The following NDST4 variants were observed in gnomAD, a reference collection of about 807,000 sequenced individuals.
The protein encoded by NDST4 is N-deacetylase and N-sulfotransferase 4, also known as N-heparan sulfate sulfotransferase 4.
In NDST4, 63 loss-of-function variants were observed where a neutral mutation model predicts 100.8. The observed-to-expected ratio is 0.62, with a 90% CI of 0.51 to 0.77. NDST4 has a LOEUF of 0.77. Among genes scored for constraint, NDST4 ranks in the 30% least tolerant of loss-of-function variants. The pLI is 0.00. For missense variants in NDST4, 943 were observed against 1,018.4 expected, an observed-to-expected ratio of 0.93 and a Z score of 1.01; for synonymous variants, 377 against 361.8, an observed-to-expected ratio of 1.04 and a Z score of -0.48.
At chr4:114,901,107 C>T (rs145233123) in intron 6 of NDST4, among the ~76,000 whole-genome samples, 34 of 151,722 alleles carry the variant, frequency 2.2e-4, no homozygotes, top group South Asian at 4.2e-4. Context: ...CTTGAGAAGA[C>T]GGTGTATTAT....
At chr4:114,959,511 A>T (rs1726213308) in intron 4 of NDST4, among the ~76,000 whole-genome samples, 1 of 152,200 alleles carries the variant, frequency 6.6e-6, no homozygotes, top group South Asian at 2.1e-4. Context: ...AGGGCATATG[A>T]GACTTATTCA....
intron 4 of NDST4, among the ~76,000 whole-genome samples, chr4:114,954,566 G>C (rs189385806): frequency 1.2e-3 from 187 of 152,248 alleles, no homozygotes; most frequent in African/African-American, 4.3e-3. Context: ...GTGAAAAACA[G>C]ATAAAAGCTA....
At position 115,077,128 on chromosome 4, in the gene NDST4, C is replaced by T. The variant is rs1729205876; in HGVS notation, c.-92G>A. 1.7e-6 allele frequency: 2 copies of T among 1,200,680 alleles called. No individual in the cohort carries two copies. Among genetic ancestry groups the T allele is most frequent in the Non-Finnish European group, 2.3e-6 (2 of 874,926 alleles). 74.4% of individuals were successfully genotyped at this position (1,200,680 alleles called of 1,614,324 possible). A position where few individuals can be genotyped will look rare whatever the true frequency, so the allele number is the denominator to read the frequency against. On this transcript the variant is annotated 5_prime_UTR_variant, in exon 2 of 14. Coordinates refer to ENST00000264363, the MANE Select transcript of NDST4 (RefSeq NM_022569.3). ...TATGAGATGTTGCAAATATCACTTCCCCAGAGTTCATGTAACCATCGCAAA... is the reference window on the plus strand; with the variant it reads ...TATGAGATGTTGCAAATATCACTTCTCCAGAGTTCATGTAACCATCGCAAA...
intron 6 of NDST4, among the ~76,000 whole-genome samples, chr4:114,928,677 A>C (rs1725432484): frequency 6.6e-6 from 1 of 152,032 alleles, no homozygotes; most frequent in African/African-American, 2.4e-5. Context: ...CCAGTGCACA[A>C]CCCCTGTATT....
At chr4:115,013,346 C>CGT (rs1553961172) in intron 2 of NDST4, among the ~76,000 whole-genome samples, 4 of 65,350 alleles carry the variant, frequency 6.1e-5, no homozygotes, top group African/African-American at 1.9e-4. Flanking sequence ...ATATAAATAC[C>CGT]ATATATATAT....
In NDST4 at chr4:115,099,854, C is replaced by T. The variant is rs566219530; in HGVS notation, c.-247+13590G>A. On this transcript the variant is annotated intron_variant, in intron 1 of 13. Transcript: ENST00000264363. ...AAATTTACATTCACACAAAAATTTG[C>T]ACACAGATGTTTTATTGCAGCTTTA... Among the ~76,000 whole-genome samples the T allele has an allele frequency of 2.6e-5, 4 of 152,250 alleles. No individual in the cohort carries two copies. In the South Asian group the frequency reaches 6.2e-4, roughly 24 times the overall value.
At position 114,970,393 on chromosome 4, in the gene NDST4, T is replaced by C. The variant is rs1297716669; in HGVS notation, c.1221+37A>G. 2.5e-6 allele frequency: 4 copies of C among 1,579,422 alleles called. No individual in the cohort carries two copies. The Admixed American group carries it at 5.2e-5, about 21-fold the overall frequency. ...TACACTTCCACCACAAGATCACAACTTATAGTTCAAAAGATACCACAATAA... is the reference window on the plus strand; with the variant it reads ...TACACTTCCACCACAAGATCACAACCTATAGTTCAAAAGATACCACAATAA... On this transcript the variant is annotated intron_variant, in intron 4 of 13. Transcript: ENST00000264363.
intron 6 of NDST4, 29 bp downstream of exon 6, chr4:114,935,177 A>G: frequency 6.9e-7 from 1 of 1,456,672 alleles, no homozygotes; most frequent in Non-Finnish European, 9.1e-7. Flanking sequence ...TGCTAATCTT[A>G]TTGTAAGGTG....
intron 6 of NDST4, among the ~76,000 whole-genome samples, chr4:114,892,680 T>C (rs1002575706): frequency 2.0e-5 from 3 of 151,812 alleles, no homozygotes; most frequent in Non-Finnish European, 4.4e-5. Flanking sequence ...AAGAAGGAAC[T>C]GTATCTGCTG....
chr4:114,980,406 C>T (rs1222130679), intron 2 of NDST4, among the ~76,000 whole-genome samples: 4 of 152,116 alleles, frequency 2.6e-5, no homozygotes, highest in African/African-American at 7.2e-5. Context: ...CTTTGGGACG[C>T]CGAGGCAGGT....
intron 7 of NDST4, 56 bp from the exon 8 acceptor site, chr4:114,852,877 T>C: frequency 8.0e-7 from 1 of 1,247,298 alleles, no homozygotes; most frequent in Non-Finnish European, 1.1e-6. Context: ...GGCTCTGTTC[T>C]CTAAAAATTG....
chr4:114,873,785 C>T (rs1346805488), intron 6 of NDST4, among the ~76,000 whole-genome samples: 1 of 152,068 alleles, frequency 6.6e-6, no homozygotes, highest in Non-Finnish European at 1.5e-5. Context: ...AAGTAGCATG[C>T]TTCAGGATAA....
intron 6 of NDST4, among the ~76,000 whole-genome samples, chr4:114,901,918 T>C (rs992809081): frequency 5.3e-5 from 8 of 152,004 alleles, no homozygotes; most frequent in African/African-American, 1.7e-4. Context: ...AATAGCATTA[T>C]ACTGCTTCAT....
At chr4:115,045,910 G>C (rs568983050) in intron 2 of NDST4, among the ~76,000 whole-genome samples, 6 of 152,202 alleles carry the variant, frequency 3.9e-5, no homozygotes, top group African/African-American at 1.4e-4. Flanking sequence ...AATGGCAAAG[G>C]ATTAGGGTTA....
chr4:114,891,459 G>T (rs754436309), intron 6 of NDST4, among the ~76,000 whole-genome samples: 34 of 151,948 alleles, frequency 2.2e-4, no homozygotes, highest in Non-Finnish European at 4.3e-4. Flanking sequence ...CACCAGATCA[G>T]CCAGTTCAGA....
At chr4:115,018,807 T>C (rs1411994968) in intron 2 of NDST4, among the ~76,000 whole-genome samples, 1 of 151,964 alleles carries the variant, frequency 6.6e-6, no homozygotes, top group Non-Finnish European at 1.5e-5. Context: ...TAAAAATATA[T>C]TAATATCAAT....
intron 2 of NDST4, among the ~76,000 whole-genome samples, chr4:115,019,269 A>G (rs777416358): frequency 7.2e-5 from 11 of 152,114 alleles, no homozygotes; most frequent in Non-Finnish European, 1.5e-4. Context: ...ATACTATTAT[A>G]AAAAACAAGT....
rs377211061 is a variant in NDST4, at chr4:115,111,188, G to A, written c.-247+2256C>T. ...ATCATATGAACATTTAACCTACTGG[G>A]GACAACTGTTCTACTGGGTTGGAAA... On this transcript the variant is annotated intron_variant, in intron 1 of 13. Coordinates refer to ENST00000264363, the MANE Select transcript of NDST4 (RefSeq NM_022569.3). Among the ~76,000 whole-genome samples the A allele has an allele frequency of 3.0e-4, 45 of 151,984 alleles. No homozygotes were observed. In the East Asian group the frequency reaches 3.5e-3, roughly 12 times the overall value.
chr4:115,061,149 A>T (rs1368673728), intron 2 of NDST4, among the ~76,000 whole-genome samples: 1 of 152,084 alleles, frequency 6.6e-6, no homozygotes, highest in African/African-American at 2.4e-5. Flanking sequence ...GAATGGCGAA[A>T]TAGGAATGCT....
Sources: allele counts gnomAD v4.1 joint callset (sites outside exome capture counted in the v4.1 genomes callset), GRCh38; gene constraint gnomAD v4.1.1; transcripts MANE v1.5; gene names NCBI Gene and HGNC (gene_info 2026-07-23, HGNC 2026-07-21).